PIAS1: variants seen among roughly 807,000 people sequenced by gnomAD.
The protein encoded by PIAS1 is E3 SUMO-protein ligase PIAS1.
PIAS1 carries 6 observed loss-of-function variants against 71.3 expected under a neutral mutation model. The ratio of observed to expected loss-of-function variants is 0.08; its 90% confidence interval spans 0.05 to 0.17. The LOEUF (loss-of-function observed/expected upper bound fraction) is 0.17, where lower values mean the gene tolerates loss of function less well. PIAS1 is among the 10% of genes least tolerant of loss of function. The pLI, the probability that PIAS1 is intolerant of heterozygous loss-of-function variation, is 1.00. For synonymous variants in PIAS1, 303 were observed against 292.9 expected (o/e 1.03, Z -0.35); for missense variants, 555 against 793.6 (o/e 0.70, Z 3.61).
At chr15:68,061,487 G>T (rs116841206) in intron 1 of PIAS1, 1 of 152,120 alleles carries the variant, frequency 6.6e-6, no homozygotes, top group East Asian at 1.9e-4. Flanking sequence ...TCTAAAATTC[G>T]TCAAAATGAA....
chr15:68,157,158 G>GC (rs2092896142), intron 7 of PIAS1, among the ~76,000 whole-genome samples: 2 of 152,156 alleles, frequency 1.3e-5, no homozygotes, highest in South Asian at 4.1e-4. Context: ...TCAGATTGCA[G>GC]GGGGGAGATC....
rs982907008 is a variant in PIAS1, at chr15:68,178,174, G to A, written c.1481+1520G>A. On this transcript the variant is annotated intron_variant, in intron 11 of 13. Transcript: ENST00000249636. The surrounding 1 kb of genome is among the most constrained non-coding windows in gnomAD (Gnocchi z 4.2). ...TGTCCCAACTACTCGGAGGGCTGATGGGGGAGGATCACTTGAACCTGGGAG... is the reference window on the plus strand; with the variant it reads ...TGTCCCAACTACTCGGAGGGCTGATAGGGGAGGATCACTTGAACCTGGGAG... Among the ~76,000 whole-genome samples the A allele has an allele frequency of 6.6e-6, 1 of 152,204 alleles. No individual in the cohort carries two copies.
chr15:68,063,167 G>C (rs1314026366), intron 1 of PIAS1, among the ~76,000 whole-genome samples: 1 of 152,212 alleles, frequency 6.6e-6, no homozygotes, highest in Non-Finnish European at 1.5e-5. Context: ...TCTTTATGCA[G>C]TTCTGGCAGT....
chr15:68,185,198 A>G lies in PIAS1; in HGVS notation c.1662+1531A>G, dbSNP rs1013385516. Among the ~76,000 whole-genome samples, 1 of 152,166 alleles carries G rather than the reference A, an allele frequency of 6.6e-6. No homozygotes were observed. On this transcript the variant is annotated intron_variant, in intron 13 of 13. Coordinates refer to ENST00000249636, the MANE Select transcript of PIAS1 (RefSeq NM_016166.3). This position sits in a 1 kb window ranked among gnomAD's most constrained non-coding sequence, Gnocchi z 4.4. The stretch of plus-strand genomic sequence containing the variant: ...TTTTAAGGCCTATTAAAAGATCCTA[A>G]GGAGGATCTTTGCCCAGGCTATTGC...
Position 68,175,654 on chromosome 15 carries a change from TA to T in PIAS1, c.1190del (p.Lys397SerfsTer20). 1 of 1,523,596 alleles carries T rather than the reference TA, an allele frequency of 6.6e-7. No homozygotes were observed. Among genetic ancestry groups the T allele is most frequent in the African/African-American group, 1.4e-5 (1 of 72,486 alleles). 94.4% of individuals were successfully genotyped at this position (1,523,596 alleles called of 1,614,324 possible). On this transcript the variant is annotated frameshift_variant, in exon 10 of 14. Coordinates refer to ENST00000249636, the MANE Select transcript of PIAS1 (RefSeq NM_016166.3). LOFTEE classifies it high-confidence loss of function. The part of the protein sequence containing the change: ...LIIDGLFMEI[L>X]KYCTDCDEIQ... ...TCTTATAGCTTGTTTATGGAAATCC[TA>T]AAGTACTGTACAGACTGTGATGAAA...
chr15:68,102,114 T>G (rs1401210373), intron 2 of PIAS1, among the ~76,000 whole-genome samples: 1 of 152,230 alleles, frequency 6.6e-6, no homozygotes, highest in Non-Finnish European at 1.5e-5. Flanking sequence ...CATTTTACAT[T>G]TAAATCTGTG....
intron 2 of PIAS1, among the ~76,000 whole-genome samples, chr15:68,104,722 T>C (rs1210395642): frequency 6.6e-6 from 1 of 152,146 alleles, no homozygotes; most frequent in Non-Finnish European, 1.5e-5. Context: ...AAATGATAAA[T>C]GTTTGAGGTG....
intron 7 of PIAS1, among the ~76,000 whole-genome samples, chr15:68,160,942 C>G (rs1161446083): frequency 6.6e-6 from 1 of 152,192 alleles, no homozygotes; most frequent in East Asian, 1.9e-4. Flanking sequence ...AGATCCTAGA[C>G]AGCACAATAA....
chr15:68,151,181 G>T (rs550337721), intron 6 of PIAS1, among the ~76,000 whole-genome samples: 4 of 151,544 alleles, frequency 2.6e-5, no homozygotes, highest in Admixed American at 6.6e-5. Context: ...CTTTGGTGGG[G>T]TTTTTTTTGC....
In PIAS1 at chr15:68,187,518, G is replaced by A. The variant is rs569698454; in HGVS notation, c.1663-24G>A. The A allele has an allele frequency of 5.6e-6, 9 of 1,601,224 alleles. No individual in the cohort carries two copies. The South Asian group carries it at 6.6e-5, about 12-fold the overall frequency. ...ATTTGGAAGTATAATTAACATTTTT[G>A]TGTCTTTTGTTTCCCCTCCCTAGCA... On this transcript the variant is annotated intron_variant, in intron 13 of 13. Transcript: ENST00000249636. The surrounding 1 kb of genome is among the most constrained non-coding windows in gnomAD (Gnocchi z 5.3).
chr15:68,153,141 A>G (rs893312299), intron 6 of PIAS1, among the ~76,000 whole-genome samples: 1 of 152,158 alleles, frequency 6.6e-6, no homozygotes, highest in Non-Finnish European at 1.5e-5. Flanking sequence ...CATTTAAAAA[A>G]AATAGATACT....
At chr15:68,102,675 G>T (rs2092437191) in intron 2 of PIAS1, among the ~76,000 whole-genome samples, 1 of 152,060 alleles carries the variant, frequency 6.6e-6, no homozygotes, top group Non-Finnish European at 1.5e-5. Context: ...TGTTAGACCT[G>T]TACTTAAATA....
chr15:68,059,550 A>C (rs2091934572), intron 1 of PIAS1, among the ~76,000 whole-genome samples: 1 of 151,690 alleles, frequency 6.6e-6, no homozygotes, highest in African/African-American at 2.4e-5. Context: ...TCTCTACTAA[A>C]AATACAAAAA....
chr15:68,059,391 A>G (rs897658051), intron 1 of PIAS1, among the ~76,000 whole-genome samples: 1 of 152,048 alleles, frequency 6.6e-6, no homozygotes, highest in Non-Finnish European at 1.5e-5. Context: ...AAATATATTG[A>G]TATGACAGAT....
chr15:68,114,546 G>A (rs1392137877), intron 2 of PIAS1, among the ~76,000 whole-genome samples: 1 of 152,016 alleles, frequency 6.6e-6, no homozygotes, highest in African/African-American at 2.4e-5. Context: ...TCGTAGATAG[G>A]AACTTTAGTT....
At chr15:68,141,089 C>T (rs2092766792) in intron 2 of PIAS1, among the ~76,000 whole-genome samples, 1 of 152,028 alleles carries the variant, frequency 6.6e-6, no homozygotes. Context: ...TATAGTCCTA[C>T]CTACTTAGAA....
rs118035081 is a variant in PIAS1 at position 68,067,143 on chromosome 15, T to A, written c.24+12793T>A. Reference sequence around the variant, plus strand: ...GAGTCTGGAGCCTCTCTGGTTCAGTTGTTCCAGTAATCCTCTGGCCTCTTG... The same window carrying A: ...GAGTCTGGAGCCTCTCTGGTTCAGTAGTTCCAGTAATCCTCTGGCCTCTTG... On this transcript the variant is annotated intron_variant, in intron 1 of 13. Transcript: ENST00000249636. 6.1e-3 allele frequency among the ~76,000 whole-genome samples: 929 copies of A among 152,314 alleles called. 4 individuals are homozygous for A. The highest frequency in any genetic ancestry group is 0.032 in the East Asian group (168 of 5,188).
chr15:68,155,165 T>C (rs1382841929), intron 7 of PIAS1, among the ~76,000 whole-genome samples: 1 of 151,714 alleles, frequency 6.6e-6, no homozygotes, highest in East Asian at 1.9e-4. Context: ...GGAGGGAGAG[T>C]GGGAACGTGA....
chr15:68,188,694 A>G lies in PIAS1; in HGVS notation c.*859A>G, dbSNP rs1015300764. ...AGTAGGCTTAGCCGACCTATGAATAATACACTTTAGTCTAGTTCTTTATTC... is the reference window on the plus strand; with the variant it reads ...AGTAGGCTTAGCCGACCTATGAATAGTACACTTTAGTCTAGTTCTTTATTC... On this transcript the variant is annotated 3_prime_UTR_variant, in exon 14 of 14. Coordinates refer to ENST00000249636, the MANE Select transcript of PIAS1 (RefSeq NM_016166.3). The G allele has an allele frequency of 2.0e-5, 3 of 152,210 alleles. No homozygotes were observed. Among genetic ancestry groups the G allele is most frequent in the African/African-American group, 4.8e-5 (2 of 41,450 alleles). 9.4% of individuals were successfully genotyped at this position (152,210 alleles called of 1,614,324 possible).
Sources: gnomAD v4.1 joint callset for allele counts (sites outside exome capture counted in the v4.1 genomes callset) on GRCh38, gnomAD v4.1.1 for gene constraint, Gnocchi (gnomAD v3.1) non-coding constraint, MANE v1.5 for transcripts, NCBI Gene and HGNC (gene_info 2026-07-23, HGNC 2026-07-21) for gene names.